Variants in SPDYA observed in about 807,000 individuals in gnomAD.
SPDYA encodes the protein speedy/RINGO cell cycle regulator family member A, also known as speedy protein A.
SPDYA carries 11 observed loss-of-function variants against 36.7 expected under a neutral mutation model. The ratio of observed to expected loss-of-function variants is 0.30; its 90% CI spans 0.19 to 0.50. The LOEUF is 0.50. Ranked by LOEUF, SPDYA falls within the 20% of genes least tolerant of loss-of-function variation. The probability of loss-of-function intolerance (pLI) is 0.98; values close to 1 mark genes in which losing one functional copy is unlikely to be tolerated. For synonymous variants in SPDYA, 115 were observed against 118.7 expected (o/e 0.97, Z 0.20); for missense variants, 287 against 370.9 (o/e 0.77, Z 1.86).
At chr2:28,828,577 A>G (rs1558326237) in intron 5 of SPDYA, among the ~76,000 whole-genome samples, 1 of 152,248 alleles carries the variant, frequency 6.6e-6, no homozygotes, top group Non-Finnish European at 1.5e-5. Flanking sequence ...TAGTCGCCTT[A>G]TGATGAGTCA....
chr2:28,827,976 AT>A (rs1572502302), intron 5 of SPDYA, among the ~76,000 whole-genome samples: 2 of 149,792 alleles, frequency 1.3e-5, no homozygotes, highest in Non-Finnish European at 3.0e-5. Flanking sequence ...ATTTTTTCTT[AT>A]TTTTTTCTTT....
At chr2:28,833,290 CCCTT>C (rs1249637839) in intron 6 of SPDYA, among the ~76,000 whole-genome samples, 5 of 152,146 alleles carry the variant, frequency 3.3e-5, no homozygotes, top group African/African-American at 1.2e-4. Flanking sequence ...CAGCCCTCCT[CCCTT>C]ATCTCTTTGA....
chr2:28,823,745 A>ATATATATATATATATATATAT (rs1491479223), intron 5 of SPDYA, among the ~76,000 whole-genome samples: 2 of 42,858 alleles, frequency 4.7e-5, no homozygotes, highest in Non-Finnish European at 8.8e-5. Flanking sequence ...ATATATATAT[A>ATATATATATATATATATATAT]AAATTTTTTT....
At chr2:28,821,040 C>T (rs1012619588) in intron 4 of SPDYA, among the ~76,000 whole-genome samples, 4 of 152,110 alleles carry the variant, frequency 2.6e-5, no homozygotes, top group Non-Finnish European at 5.9e-5. Flanking sequence ...GACATCCTAA[C>T]ATTTTATCCA....
intron 7 of SPDYA, among the ~76,000 whole-genome samples, chr2:28,844,953 A>G (rs913228398): frequency 5.3e-5 from 8 of 152,198 alleles, no homozygotes; most frequent in African/African-American, 1.9e-4. Context: ...AAAATAAAAT[A>G]AAAACATTTT....
chr2:28,845,411 T>C (rs1668849250), intron 7 of SPDYA, among the ~76,000 whole-genome samples: 1 of 152,142 alleles, frequency 6.6e-6, no homozygotes, highest in Admixed American at 6.6e-5. Context: ...GCATTTTGAC[T>C]TAATGATATC....
chr2:28,819,852 ATATATATATATATATATATATATATATAT>A (rs1558322443), intron 4 of SPDYA, among the ~76,000 whole-genome samples: 393 of 5,846 alleles, frequency 0.067, 55 homozygotes, highest in South Asian at 0.15. Flanking sequence ...AAAAAAAAAT[ATATATATATATATATATATATATATATAT>A]ATATATATAT....
intron 7 of SPDYA, among the ~76,000 whole-genome samples, chr2:28,846,363 G>A (rs1243907896): frequency 6.6e-6 from 1 of 152,090 alleles, no homozygotes; most frequent in African/African-American, 2.4e-5. Context: ...AGCTGAGACT[G>A]CACCACTGCA....
chr2:28,831,397 G>A (rs950117906), intron 6 of SPDYA, among the ~76,000 whole-genome samples: 1 of 151,970 alleles, frequency 6.6e-6, no homozygotes, highest in South Asian at 2.1e-4. Context: ...AAAAATAGCA[G>A]TATTACATCT....
At chr2:28,849,800 A>C (rs1482841790) in intron 7 of SPDYA, 50 bp from the exon 8 acceptor site, 1 of 1,103,998 alleles carries the variant, frequency 9.1e-7, no homozygotes, top group African/African-American at 1.6e-5. Flanking sequence ...AGATGTATTT[A>C]AAATGGACAG....
intron 5 of SPDYA, among the ~76,000 whole-genome samples, chr2:28,827,039 C>T (rs1281038265): frequency 6.7e-6 from 1 of 150,364 alleles, no homozygotes; most frequent in Non-Finnish European, 1.5e-5. Flanking sequence ...TCCGGGTTCA[C>T]GCCATTCTCC....
intron 6 of SPDYA, among the ~76,000 whole-genome samples, chr2:28,836,349 T>G (rs1285837115): frequency 6.6e-6 from 1 of 152,240 alleles, no homozygotes; most frequent in Non-Finnish European, 1.5e-5. Flanking sequence ...GGGAATTAAA[T>G]AGCCGCAGTA....
At position 28,846,722 on chromosome 2, in the gene SPDYA, T is replaced by TACACACAC. The variant is rs58731880; in HGVS notation, c.851-3084_851-3077dup. ...AAAAAGAAGAGAAATAGAAGAAAAC[T>TACACACAC]ACACACACACACACACACACACACA... On this transcript the variant is annotated intron_variant, in intron 7 of 7. Coordinates refer to ENST00000334056, the MANE Select transcript of SPDYA (RefSeq NM_182756.4). 6.4e-3 allele frequency among the ~76,000 whole-genome samples: 811 copies of TACACACAC among 126,536 alleles called. 5 individuals are homozygous for TACACACAC. The highest frequency in any genetic ancestry group is 0.015 in the East Asian group (55 of 3,726). The allele number at this position is 126,536 out of a possible 152,430, so 83.0% of individuals were successfully genotyped here.
At chr2:28,829,951 AAAAAAAAAGAAAAG>A in intron 6 of SPDYA, among the ~76,000 whole-genome samples, 1 of 134,986 alleles carries the variant, frequency 7.4e-6, no homozygotes, top group East Asian at 2.6e-4. Context: ...CTCAAAAAAA[AAAAAAAAAGAAAAG>A]AAAAGAAAAA....
intron 7 of SPDYA, among the ~76,000 whole-genome samples, chr2:28,846,701 A>G (rs1470407693): frequency 6.7e-6 from 1 of 149,950 alleles, no homozygotes. Context: ...CCAAAGAAAA[A>G]GAAGAGAAAT....
At chr2:28,846,756 C>T (rs1166894113) in intron 7 of SPDYA, among the ~76,000 whole-genome samples, 3 of 150,828 alleles carry the variant, frequency 2.0e-5, no homozygotes, top group Non-Finnish European at 4.4e-5. Flanking sequence ...CACACACACA[C>T]ACACACACAC....
At position 28,822,387 on chromosome 2, in the gene SPDYA, C is replaced by G. The variant is rs1488987774; in HGVS notation, c.357C>G (p.Thr119=). Reference sequence around the variant, plus strand: ...CTAAATTTACTATAAGTGAGCATACCAGGATAAATTTCTTTATTGCTCTGT... The same window carrying G: ...CTAAATTTACTATAAGTGAGCATACGAGGATAAATTTCTTTATTGCTCTGT... ...KRAKFTISEH[T]RINFFIALYL... is the part of the protein sequence containing the mutation. Residue 119 remains threonine, a synonymous_variant, in exon 5 of 8, where the codon ACC becomes ACG. Coordinates refer to ENST00000334056, the MANE Select transcript of SPDYA (RefSeq NM_182756.4). The G allele has an allele frequency of 1.9e-6, 3 of 1,567,172 alleles. No individual in the cohort carries two copies. The highest frequency in any genetic ancestry group is 2.3e-5 in the East Asian group (1 of 43,810).
chr2:28,824,553 C>CA, intron 5 of SPDYA, among the ~76,000 whole-genome samples: 1 of 133,322 alleles, frequency 7.5e-6, no homozygotes, highest in East Asian at 2.2e-4. Flanking sequence ...TTCTTTCTTT[C>CA]TTTTTTTTTT....
chr2:28,815,918 T>A, intron 2 of SPDYA, 79 bp from the exon 3 acceptor site: 4 of 872,216 alleles, frequency 4.6e-6, no homozygotes, highest in Non-Finnish European at 7.1e-6. Flanking sequence ...TATGACTGCA[T>A]ATGGTAGTAT....
Sources: gnomAD v4.1 joint callset for allele counts (sites outside exome capture counted in the v4.1 genomes callset) on GRCh38, gnomAD v4.1.1 for gene constraint, MANE v1.5 for transcripts, NCBI Gene and HGNC (gene_info 2026-07-23, HGNC 2026-07-21) for gene names.